PPFIA2: variants seen among roughly 807,000 people sequenced by gnomAD.
PPFIA2 encodes PPFI scaffold protein A2, also known as liprin-alpha-2.
Under a neutral mutation model 175.5 loss-of-function variants are expected in PPFIA2, and 46 were observed. That is an observed-to-expected ratio of 0.26 (90% CI 0.21 to 0.34). PPFIA2 has a LOEUF of 0.34. Among genes scored for constraint, PPFIA2 ranks in the 10% least tolerant of loss-of-function variants. The probability of loss-of-function intolerance (pLI) is 1.00; values close to 1 mark genes in which losing one functional copy is unlikely to be tolerated. For synonymous variants in PPFIA2, 568 were observed against 511.4 expected, an observed-to-expected ratio of 1.11 and a Z score of -1.49; for missense variants, 1,179 against 1,506.1, an observed-to-expected ratio of 0.78 and a Z score of 3.60.
intron 23 of PPFIA2, among the ~76,000 whole-genome samples, chr12:81,297,658 T>A (rs527899448): frequency 6.6e-6 from 1 of 152,220 alleles, no homozygotes; most frequent in Admixed American, 6.5e-5. Context: ...CTTTGGACCC[T>A]AATGATTTTT....
intron 4 of PPFIA2, among the ~76,000 whole-genome samples, chr12:81,497,115 C>T (rs117234036): frequency 0.014 from 2,082 of 152,306 alleles, 29 homozygotes; most frequent in Non-Finnish European, 0.022. Flanking sequence ...GTTCTTCATG[C>T]ATATGAGCTG....
chr12:81,350,999 C>T (rs1566357612), intron 17 of PPFIA2, among the ~76,000 whole-genome samples: 1 of 152,028 alleles, frequency 6.6e-6, no homozygotes, highest in African/African-American at 2.4e-5. Flanking sequence ...CACAAATCTA[C>T]CTGACACAAT....
intron 4 of PPFIA2, among the ~76,000 whole-genome samples, chr12:81,628,376 C>CTTTT (rs11304359): frequency 1.2e-4 from 13 of 111,700 alleles, no homozygotes; most frequent in African/African-American, 1.6e-4. Flanking sequence ...TTTCTTTTAC[C>CTTTT]TTTTTTTTTT....
At chr12:81,676,058 T>C (rs2072449110) in intron 4 of PPFIA2, among the ~76,000 whole-genome samples, 1 of 152,072 alleles carries the variant, frequency 6.6e-6, no homozygotes, top group Non-Finnish European at 1.5e-5. Context: ...AGCTAAAAAG[T>C]GATAACACTG....
At chr12:81,260,703 C>A (rs1161789338) in intron 32 of PPFIA2, 1 of 152,086 alleles carries the variant, frequency 6.6e-6, no homozygotes, top group Non-Finnish European at 1.5e-5. Flanking sequence ...CCCAAAAGAC[C>A]AACAATAAAT....
chr12:81,646,551 C>T (rs2066106476), intron 4 of PPFIA2, among the ~76,000 whole-genome samples: 1 of 152,228 alleles, frequency 6.6e-6, no homozygotes, highest in African/African-American at 2.4e-5. Context: ...TCTTTCAACA[C>T]AGTCATGCAA....
intron 3 of PPFIA2, among the ~76,000 whole-genome samples, chr12:81,732,513 TAA>T (rs60761301): frequency 8.2e-5 from 11 of 133,986 alleles, no homozygotes; most frequent in African/African-American, 1.4e-4. Flanking sequence ...TGTTTTTTTT[TAA>T]AAAAAAAAAA....
intron 7 of PPFIA2, among the ~76,000 whole-genome samples, chr12:81,419,143 A>G (rs2045833567): frequency 6.6e-6 from 1 of 152,020 alleles, no homozygotes; most frequent in Non-Finnish European, 1.5e-5. Context: ...GACATCCAAA[A>G]CATTGCTTGG....
rs918963342 is a variant in PPFIA2 at position 81,539,767 on chromosome 12, T to C, written c.304-81901A>G. 3.3e-5 allele frequency among the ~76,000 whole-genome samples: 5 copies of C among 151,974 alleles called. No homozygotes were observed. The East Asian group carries it at 5.8e-4, about 18-fold the overall frequency. On this transcript the variant is annotated intron_variant, in intron 4 of 32. Transcript: ENST00000549396. Reference sequence around the variant, plus strand: ...AGATACAGAACGAAGCAGTCCCTCATTGAGCTCAAACTCAAGCACTCCACC... The same window carrying C: ...AGATACAGAACGAAGCAGTCCCTCACTGAGCTCAAACTCAAGCACTCCACC...
At chr12:81,397,586 C>T (rs1214944997) in intron 8 of PPFIA2, among the ~76,000 whole-genome samples, 1 of 151,988 alleles carries the variant, frequency 6.6e-6, no homozygotes, top group African/African-American at 2.4e-5. Context: ...GGGGCAAAAC[C>T]TTATTGAAAT....
chr12:81,575,444 T>G (rs1214242587), intron 4 of PPFIA2, among the ~76,000 whole-genome samples: 1 of 151,790 alleles, frequency 6.6e-6, no homozygotes, highest in East Asian at 1.9e-4. Context: ...TCAATTAAGC[T>G]TATGAGTCTT....
chr12:81,521,775 G>A (rs1357643138), intron 4 of PPFIA2, among the ~76,000 whole-genome samples: 1 of 150,610 alleles, frequency 6.6e-6, no homozygotes, highest in Non-Finnish European at 1.5e-5. Context: ...AGCTGAGATC[G>A]CGCCGCTGCA....
intron 5 of PPFIA2, among the ~76,000 whole-genome samples, chr12:81,450,945 G>A (rs2145541926): frequency 6.6e-6 from 1 of 152,202 alleles, no homozygotes; most frequent in South Asian, 2.1e-4. Context: ...TATATCCTCA[G>A]AACTACTGAT....
At chr12:81,494,593 G>A (rs2059812320) in intron 4 of PPFIA2, among the ~76,000 whole-genome samples, 1 of 151,534 alleles carries the variant, frequency 6.6e-6, no homozygotes, top group African/African-American at 2.4e-5. Flanking sequence ...CCCATTACTG[G>A]GTATATACCC....
chr12:81,628,464 A>G (rs1371477303), intron 4 of PPFIA2, among the ~76,000 whole-genome samples: 1 of 147,812 alleles, frequency 6.8e-6, no homozygotes, highest in Non-Finnish European at 1.5e-5. Context: ...ACAACCTCCA[A>G]CTCCCAGGTT....
intron 4 of PPFIA2, among the ~76,000 whole-genome samples, chr12:81,481,461 T>C (rs2058211366): frequency 6.6e-6 from 1 of 152,062 alleles, no homozygotes. Flanking sequence ...AGAACAAAGC[T>C]GGACACATCA....
At chr12:81,591,870 A>G (rs965086120) in intron 4 of PPFIA2, among the ~76,000 whole-genome samples, 14 of 151,886 alleles carry the variant, frequency 9.2e-5, no homozygotes, top group Non-Finnish European at 1.6e-4. Flanking sequence ...TGTGGGGTCA[A>G]TCTCTACTGG....
chr12:81,540,068 G>A (rs984682940), intron 4 of PPFIA2, among the ~76,000 whole-genome samples: 2 of 151,990 alleles, frequency 1.3e-5, no homozygotes, highest in Admixed American at 1.3e-4. Flanking sequence ...AGGAGACAGA[G>A]AGAGAGAGAA....
chr12:81,408,842 A>G (rs765308594), intron 7 of PPFIA2, among the ~76,000 whole-genome samples: 7 of 152,224 alleles, frequency 4.6e-5, no homozygotes, highest in Non-Finnish European at 7.3e-5. Flanking sequence ...TATATTCTCT[A>G]CCACTGTAAT....
Sources: gnomAD v4.1 joint callset for allele counts (sites outside exome capture counted in the v4.1 genomes callset) on GRCh38, gnomAD v4.1.1 for gene constraint, MANE v1.5 for transcripts, NCBI Gene and HGNC (gene_info 2026-07-23, HGNC 2026-07-21) for gene names.